TMEM260: variants seen among roughly 807,000 people sequenced by gnomAD.
The protein encoded by TMEM260 is protein O-mannosyl-transferase TMEM260.
Under a neutral mutation model 88.9 loss-of-function variants are expected in TMEM260, and 82 were observed. That is an observed-to-expected ratio of 0.92 (90% confidence interval 0.77 to 1.11). The LOEUF is 1.11. TMEM260 is among the 50% of genes least tolerant of loss of function. TMEM260 has a pLI of 0.00. For missense variants in TMEM260, 902 were observed against 853.4 expected (o/e 1.06, Z -0.71); for synonymous variants, 314 against 309.3 (o/e 1.02, Z -0.16).
intron 13 of TMEM260, 138 bp downstream of exon 13, chr14:56,633,309 C>T: frequency 1.6e-6 from 1 of 619,122 alleles, no homozygotes; most frequent in East Asian, 2.9e-5. Context: ...CACAAAATAC[C>T]ATAAAACAAC....
chr14:56,609,931 C>T (rs979903117), intron 6 of TMEM260, among the ~76,000 whole-genome samples: 1 of 152,122 alleles, frequency 6.6e-6, no homozygotes, highest in Non-Finnish European at 1.5e-5. Context: ...ACAGTTATAT[C>T]AGGTTTTTCT....
chr14:56,612,876 C>G (rs1180526627), intron 7 of TMEM260: 1 of 151,980 alleles, frequency 6.6e-6, no homozygotes, highest in African/African-American at 2.4e-5. Context: ...ATTTATAGAA[C>G]TAAAATGTTT....
intron 6 of TMEM260, 126 bp from the exon 7 acceptor site, chr14:56,612,119 C>G: frequency 1.2e-6 from 1 of 868,462 alleles, no homozygotes; most frequent in East Asian, 2.5e-5. Flanking sequence ...GTAGAGGTAC[C>G]CCGAAACCTA....
intron 15 of TMEM260, among the ~76,000 whole-genome samples, chr14:56,645,786 C>T (rs559644591): frequency 2.6e-5 from 4 of 152,054 alleles, no homozygotes; most frequent in Admixed American, 6.5e-5. Flanking sequence ...CCTTTACACC[C>T]GTGTCTTATC....
At chr14:56,638,925 A>T (rs17091874) in intron 15 of TMEM260, among the ~76,000 whole-genome samples, 1 of 152,178 alleles carries the variant, frequency 6.6e-6, no homozygotes, top group African/African-American at 2.4e-5. Flanking sequence ...ATAATTCCAC[A>T]TAACGAAGAA....
intron 15 of TMEM260, among the ~76,000 whole-genome samples, chr14:56,645,956 T>A (rs1262317191): frequency 6.6e-6 from 1 of 152,224 alleles, no homozygotes; most frequent in African/African-American, 2.4e-5. Context: ...ATTTTTTCTT[T>A]CTTTTTTATT....
intron 1 of TMEM260, among the ~76,000 whole-genome samples, chr14:56,584,482 G>A (rs1594805667): frequency 2.0e-5 from 3 of 152,092 alleles, no homozygotes; most frequent in African/African-American, 7.2e-5. Flanking sequence ...CCGAAATAAC[G>A]TGGAGTTAAT....
rs769101238 is a variant in TMEM260 at position 56,616,005 on chromosome 14, G to T, written c.919G>T (p.Ala307Ser). 1 of 1,612,226 alleles carries T rather than the reference G, an allele frequency of 6.2e-7. No homozygotes were observed. ...SFNIQALAVC[A>S]NICLATKDRQ... ...CAACATCCAAGCCCTTGCAGTTTGT[G>T]CAAATATATGTTTAGCAACAAAGTA... Residue 307 changes from alanine (A) to serine (S), a missense_variant, in exon 8 of 16, where the codon GCA (alanine) becomes TCA (serine). Coordinates refer to ENST00000261556, the MANE Select transcript of TMEM260 (RefSeq NM_017799.4).
At position 56,605,570 on chromosome 14, in the gene TMEM260, G is replaced by A. The variant is rs1886844721; in HGVS notation, c.523G>A (p.Val175Ile). The A allele has an allele frequency of 1.4e-6, 2 of 1,469,690 alleles. No individual in the cohort carries two copies. The highest frequency in any genetic ancestry group is 1.8e-6 in the Non-Finnish European group (2 of 1,097,064). The allele number at this position is 1,469,690 out of a possible 1,614,324, so 91.0% of individuals were successfully genotyped here. A position where few individuals can be genotyped will look rare whatever the true frequency, so the allele number is the denominator to read the frequency against. Residue 175 changes from valine to isoleucine, a missense_variant and splice_region_variant, in exon 5 of 16, where the codon GTA becomes ATA. Coordinates refer to ENST00000261556, the MANE Select transcript of TMEM260 (RefSeq NM_017799.4). The part of the protein sequence containing the change: ...EAATAKERSK[V>I]AKIGAFCCGL... ...ATTTTTTTTTTTAATTTATTTTCAG[G>A]TAGCTAAAATTGGTGCTTTCTGCTG...
intron 2 of TMEM260, 79 bp from the exon 3 acceptor site, chr14:56,585,682 G>A: frequency 3.7e-6 from 5 of 1,366,764 alleles, no homozygotes; most frequent in South Asian, 2.7e-5. Context: ...TTGAGAAAAG[G>A]GCTACTTTTC....
chr14:56,642,446 T>G (rs2139651304), intron 15 of TMEM260, among the ~76,000 whole-genome samples: 1 of 152,280 alleles, frequency 6.6e-6, no homozygotes, highest in South Asian at 2.1e-4. Context: ...AATAAAGATG[T>G]TCTTTGAAAC....
chr14:56,623,274 A>T (rs1888042186), intron 11 of TMEM260, among the ~76,000 whole-genome samples: 1 of 152,186 alleles, frequency 6.6e-6, no homozygotes, highest in Non-Finnish European at 1.5e-5. Context: ...CAGTTCAGGG[A>T]CGTCAGTTTC....
intron 11 of TMEM260, among the ~76,000 whole-genome samples, chr14:56,622,634 A>C (rs1359657904): frequency 6.6e-6 from 1 of 152,130 alleles, no homozygotes; most frequent in Non-Finnish European, 1.5e-5. Context: ...ATTTAAACTA[A>C]GATTTATTAT....
the TMEM260 span, among the ~76,000 whole-genome samples, chr14:56,659,559 G>A: frequency 6.6e-6 from 1 of 152,198 alleles, no homozygotes; most frequent in South Asian, 2.1e-4. Context: ...CTGAAGCTCT[G>A]TTTTCAGCAC....
At chr14:56,634,336 C>T (rs1312392355) in intron 13 of TMEM260, among the ~76,000 whole-genome samples, 2 of 152,194 alleles carry the variant, frequency 1.3e-5, no homozygotes, top group Non-Finnish European at 2.9e-5. Flanking sequence ...TCCCCAGAGA[C>T]TTTCAATGTC....
intron 3 of TMEM260, among the ~76,000 whole-genome samples, chr14:56,591,563 T>C (rs1231766717): frequency 6.6e-6 from 1 of 152,230 alleles, no homozygotes; most frequent in Non-Finnish European, 1.5e-5. Flanking sequence ...TTGAGAATAC[T>C]CTGATGGAAT....
chr14:56,614,062 C>T (rs1271211484), intron 7 of TMEM260, among the ~76,000 whole-genome samples: 2 of 151,550 alleles, frequency 1.3e-5, no homozygotes, highest in East Asian at 2.0e-4. Context: ...GTGTGTGCTA[C>T]CACGCCCAGC....
At chr14:56,594,040 G>A (rs1220435598) in intron 3 of TMEM260, among the ~76,000 whole-genome samples, 1 of 152,112 alleles carries the variant, frequency 6.6e-6, no homozygotes, top group Non-Finnish European at 1.5e-5. Flanking sequence ...CATAGTGGTG[G>A]TGGTTGAAGA....
At chr14:56,625,330 C>T in intron 11 of TMEM260, 52 bp from the exon 12 acceptor site, 5 of 1,580,160 alleles carry the variant, frequency 3.2e-6, no homozygotes, top group African/African-American at 1.4e-5. Context: ...AAACTTGATT[C>T]TTTCTAAGAA....
Sources: gnomAD v4.1 joint callset for allele counts (sites outside exome capture counted in the v4.1 genomes callset) on GRCh38, gnomAD v4.1.1 for gene constraint, MANE v1.5 for transcripts, NCBI Gene and HGNC (gene_info 2026-07-23, HGNC 2026-07-21) for gene names.